KDM3A: variants seen among roughly 807,000 people sequenced by gnomAD.
KDM3A encodes lysine demethylase 3A.
In KDM3A, 60 loss-of-function variants were observed where a neutral mutation model predicts 158.0. The observed-to-expected ratio is 0.38, with a 90% CI of 0.31 to 0.47. KDM3A has a LOEUF of 0.47. Ranked by LOEUF, KDM3A falls within the 20% of genes least tolerant of loss-of-function variation. KDM3A has a pLI of 0.99. For missense variants in KDM3A, 1,319 were observed against 1,574.3 expected, an observed-to-expected ratio of 0.84 and a Z score of 2.74; for synonymous variants, 608 against 549.3, an observed-to-expected ratio of 1.11 and a Z score of -1.49.
intron 12 of KDM3A, among the ~76,000 whole-genome samples, chr2:86,476,489 GGTCAGACTGGAGAGAGAAACTCACTGTGA>G (rs999527553): frequency 5.9e-5 from 9 of 152,100 alleles, no homozygotes; most frequent in Non-Finnish European, 1.3e-4. Context: ...GTGACAAGCT[GGTCAGACTGGAGAGAGAAACTCACTGTGA>G]GTGATACTGA....
intron 12 of KDM3A, among the ~76,000 whole-genome samples, chr2:86,475,611 A>G (rs535792634): frequency 6.6e-6 from 1 of 152,308 alleles, no homozygotes; most frequent in African/African-American, 2.4e-5. Context: ...ATCTCAAGCT[A>G]GGATGTTTGG....
upstream of KDM3A, chr2:86,440,650 A>G (rs752639626): frequency 3.3e-5 from 5 of 152,252 alleles, no homozygotes; most frequent in Non-Finnish European, 7.3e-5. Context: ...GAACGTCATT[A>G]TCCAGTAACT....
At chr2:86,460,327 T>G (rs748415852) in intron 8 of KDM3A, among the ~76,000 whole-genome samples, 8 of 152,218 alleles carry the variant, frequency 5.3e-5, no homozygotes, top group African/African-American at 9.6e-5. Flanking sequence ...TCTTTCGTTC[T>G]GGGTGATTCT....
intron 5 of KDM3A, among the ~76,000 whole-genome samples, chr2:86,456,144 T>G (rs564720395): frequency 3.3e-5 from 5 of 152,070 alleles, no homozygotes; most frequent in Non-Finnish European, 7.4e-5. Flanking sequence ...TTTTTTAGAT[T>G]ATCAGACATA....
chr2:86,454,448 G>T (rs1188518257), intron 4 of KDM3A, among the ~76,000 whole-genome samples: 1 of 152,180 alleles, frequency 6.6e-6, no homozygotes, highest in Non-Finnish European at 1.5e-5. Context: ...AAAGAGATAT[G>T]TGTACCTCTG....
intron 8 of KDM3A, among the ~76,000 whole-genome samples, chr2:86,461,778 G>A (rs537453105): frequency 1.3e-5 from 2 of 152,268 alleles, no homozygotes; most frequent in East Asian, 3.9e-4. Context: ...CACTGAAAAC[G>A]ATGTAGCCAG....
intron 2 of KDM3A, among the ~76,000 whole-genome samples, chr2:86,445,223 A>T (rs191771426): frequency 6.6e-6 from 1 of 152,208 alleles, no homozygotes; most frequent in East Asian, 1.9e-4. Context: ...ATTTGAATGG[A>T]TAAGTGAAGG....
At position 86,464,045 on chromosome 2, in the gene KDM3A, T is replaced by A. The variant is rs1446894385; in HGVS notation, c.844-8T>A. 6.6e-7 allele frequency: 1 copy of A among 1,508,504 alleles called. No individual in the cohort carries two copies. The highest frequency in any genetic ancestry group is 8.9e-7 in the Non-Finnish European group (1 of 1,122,722). The allele number at this position is 1,508,504 out of a possible 1,614,324, so 93.4% of individuals were successfully genotyped here. ...CCTTTTAATATCTGTTGGTTTGGTA[T>A]CTTCTAGGCCTCTCCCAGTATGTGT... On this transcript the variant is annotated splice_region_variant and splice_polypyrimidine_tract_variant and intron_variant, in intron 8 of 25. Coordinates refer to ENST00000312912, the MANE Select transcript of KDM3A (RefSeq NM_018433.6).
chr2:86,466,819 G>A lies in KDM3A; in HGVS notation c.1455G>A (p.Lys485=), dbSNP rs1278556664. The change falls in exon 10 of 26, where the codon AAG becomes AAA. Residue 485 remains lysine (K), a synonymous_variant. Coordinates refer to ENST00000312912, the MANE Select transcript of KDM3A (RefSeq NM_018433.6). ...SALACRSQNL[K]ESSVKVDNES... ...TAGCTTGCCGATCACAGAATTTAAAGGAATCTTCAGTAAAAGTAGATAATG... is the reference window on the plus strand; with the variant it reads ...TAGCTTGCCGATCACAGAATTTAAAAGAATCTTCAGTAAAAGTAGATAATG... The A allele has an allele frequency of 6.2e-7, 1 of 1,612,548 alleles. No individual in the cohort carries two copies. Among genetic ancestry groups the A allele is most frequent in the South Asian group, 1.1e-5 (1 of 90,968 alleles).
chr2:86,463,788 G>T (rs1167322379), intron 8 of KDM3A, among the ~76,000 whole-genome samples: 1 of 152,168 alleles, frequency 6.6e-6, no homozygotes, highest in Admixed American at 6.5e-5. Context: ...TGTTTTCCTG[G>T]CACAGTGGTT....
Position 86,481,953 on chromosome 2 carries a change from T to A in KDM3A, c.2536T>A (p.Leu846Ile). Residue 846 changes from leucine to isoleucine, a missense_variant, in exon 17 of 26, where the codon TTA becomes ATA. By Grantham distance (5) the Leu-to-Ile change is conservative (BLOSUM62 2). This residue lies in a region of KDM3A where 368 missense variants were observed against 415.8 expected (regional missense o/e 0.89). Transcript: ENST00000312912. ...AGAAAAACAACCAACAATGCCAATT[T>A]TAAAGAATGAAATCAAATGCCTTCC... ...NKEKQPTMPI[L>I]KNEIKCLPPL... 1 of 1,611,162 alleles carries A rather than the reference T, an allele frequency of 6.2e-7. No individual in the cohort carries two copies. Among genetic ancestry groups the A allele is most frequent in the Non-Finnish European group, 8.5e-7 (1 of 1,179,100 alleles).
chr2:86,484,143 T>A lies in KDM3A; in HGVS notation c.3079T>A (p.Phe1027Ile). The A allele has an allele frequency of 6.2e-7, 1 of 1,612,928 alleles. No individual in the cohort carries two copies. The highest frequency in any genetic ancestry group is 8.5e-7 in the Non-Finnish European group (1 of 1,179,466). ...CACAGTAGGAGACTTCTGGGATGGA[T>A]TTGAAGATGTTCCAAGTATGTATGA... ...GATVGDFWDG[F>I]EDVPNRLKNE... The change falls in exon 19 of 26, where the codon TTT (phenylalanine) becomes ATT (isoleucine). Residue 1027 changes from phenylalanine (F) to isoleucine (I), a missense_variant. By Grantham distance (21) the Phe-to-Ile change is conservative (BLOSUM62 0). Transcript: ENST00000312912.
intron 17 of KDM3A, 49 bp from the exon 18 acceptor site, chr2:86,482,406 TTGA>T: frequency 6.3e-7 from 1 of 1,587,678 alleles, no homozygotes. Flanking sequence ...ATGGAGTTTC[TTGA>T]TGGTAAGGGA....
intron 21 of KDM3A, among the ~76,000 whole-genome samples, chr2:86,486,504 A>C (rs1573210667): frequency 6.6e-6 from 1 of 152,178 alleles, no homozygotes; most frequent in Admixed American, 6.5e-5. Flanking sequence ...TGAAGGAAGT[A>C]TGTATTGTTG....
At chr2:86,441,634 C>G (rs1430004303) in intron 1 of KDM3A, 190 bp downstream of exon 1, 1 of 151,030 alleles carries the variant, frequency 6.6e-6, no homozygotes, top group Non-Finnish European at 1.5e-5. Context: ...CCACCCTCCC[C>G]CGTGGGGCCG....
At position 86,446,605 on chromosome 2, in the gene KDM3A, G is replaced by C. The variant is rs181283510; in HGVS notation, c.187-3202G>C. On this transcript the variant is annotated intron_variant, in intron 2 of 25. Coordinates refer to ENST00000312912, the MANE Select transcript of KDM3A (RefSeq NM_018433.6). ...CTCACCTGTAATCCCAGCTACTTGG[G>C]AGTCTGAGGCACGAGAATCACCTGC... 2.3e-3 allele frequency among the ~76,000 whole-genome samples: 344 copies of C among 152,244 alleles called. 2 individuals are homozygous for C. Among genetic ancestry groups the C allele is most frequent in the African/African-American group, 8.1e-3 (338 of 41,546 alleles).
At chr2:86,452,439 GCTTGAAGGAACCTACAC>G (rs1418450835) in intron 4 of KDM3A, among the ~76,000 whole-genome samples, 3 of 152,036 alleles carry the variant, frequency 2.0e-5, no homozygotes, top group Non-Finnish European at 4.4e-5. Flanking sequence ...GTGACCAGAG[GCTTGAAGGAACCTACAC>G]CTGTATTTCC....
Position 86,480,168 on chromosome 2 carries a change from C to T in KDM3A, c.2318C>T (p.Thr773Ile), listed in dbSNP as rs2104695986. 6.2e-7 allele frequency: 1 copy of T among 1,611,324 alleles called. No individual in the cohort carries two copies. Among genetic ancestry groups the T allele is most frequent in the Non-Finnish European group, 8.5e-7 (1 of 1,178,910 alleles). ...ATCGTCCTTTAATGCTTAACACAGA[C>T]TTCTTTAGCTGGAGAAAAACCGACT... Reference protein sequence around the residue: ...KPASKEDLKQTSLAGEKPTLG... With the variant: ...KPASKEDLKQISLAGEKPTLG... Residue 773 changes from threonine (T) to isoleucine (I), a missense_variant and splice_region_variant, in exon 16 of 26, where the codon ACT becomes ATT. Transcript: ENST00000312912.
chr2:86,485,055 T>A, intron 20 of KDM3A, 26 bp downstream of exon 20: 2 of 1,250,876 alleles, frequency 1.6e-6, no homozygotes, highest in Non-Finnish European at 2.3e-6. Context: ...TGGGGAGAGA[T>A]GATTCTGTCC....
Sources: gnomAD v4.1 joint callset for allele counts (sites outside exome capture counted in the v4.1 genomes callset) on GRCh38, gnomAD v4.1.1 for gene constraint, gnomAD v4.1.1 regional missense constraint, MANE v1.5 for transcripts, NCBI Gene and HGNC (gene_info 2026-07-23, HGNC 2026-07-21) for gene names.